RNF180: variants seen among roughly 807,000 people sequenced by gnomAD.
RNF180 encodes the protein E3 ubiquitin-protein ligase RNF180.
A neutral mutation model predicts 59.2 loss-of-function variants in RNF180; 38 were observed. The observed-to-expected ratio is 0.64, with a 90% CI of 0.50 to 0.84. The LOEUF (loss-of-function observed/expected upper bound fraction) is 0.84, where lower values mean the gene tolerates loss of function less well. Among genes scored for constraint, RNF180 ranks in the 40% least tolerant of loss-of-function variants. The pLI is 0.00. For missense variants in RNF180, 705 were observed against 700.9 expected (o/e 1.01, Z -0.07); for synonymous variants, 262 against 240.3 (o/e 1.09, Z -0.84).
At chr5:64,189,076 AG>A (rs950724014) in intron 1 of RNF180, among the ~76,000 whole-genome samples, 1 of 152,062 alleles carries the variant, frequency 6.6e-6, no homozygotes, top group African/African-American at 2.4e-5. Context: ...GGCCATCTGC[AG>A]GCCAAGAAGA....
At chr5:64,366,624 A>G (rs1254375415) in intron 7 of RNF180, among the ~76,000 whole-genome samples, 1 of 151,596 alleles carries the variant, frequency 6.6e-6, no homozygotes, top group Non-Finnish European at 1.5e-5. Flanking sequence ...TAGATAAAGC[A>G]GAAGAAAAAA....
chr5:64,289,764 C>A (rs1742475211), intron 5 of RNF180, among the ~76,000 whole-genome samples: 1 of 151,824 alleles, frequency 6.6e-6, no homozygotes, highest in African/African-American at 2.4e-5. Flanking sequence ...GATTGTGTTT[C>A]TTTGATTGTT....
rs1300236989 is a variant in RNF180 at position 64,359,932 on chromosome 5, G to A, written c.1580-9683G>A. ...TCTTGTTTTTCTCAGGTTTGTCAAAGATCAGATAGTTGTAGATATGTGGCC... is the reference window on the plus strand; with the variant it reads ...TCTTGTTTTTCTCAGGTTTGTCAAAAATCAGATAGTTGTAGATATGTGGCC... On this transcript the variant is annotated intron_variant, in intron 7 of 7. Transcript: ENST00000389100. Among the ~76,000 whole-genome samples the A allele has an allele frequency of 1.1e-4, 16 of 152,134 alleles. 2 individuals carry two copies. The highest frequency in any genetic ancestry group is 3.9e-4 in the African/African-American group (16 of 41,530).
intron 1 of RNF180, among the ~76,000 whole-genome samples, chr5:64,173,717 C>CTTTTT (rs113698456): frequency 2.1e-5 from 3 of 140,066 alleles, no homozygotes. Flanking sequence ...ATAGCATCAA[C>CTTTTT]TTTTTTTTTT....
rs762730501 is a variant in RNF180 at position 64,200,912 on chromosome 5, T to A, written c.105T>A (p.Phe35Leu). ...CRKCIASSGC[F>L]MEYLENQVIK... is the part of the protein sequence containing the mutation. ...AATGTATAGCAAGCTCTGGTTGTTTTATGGAGTATCTTGAGAATCAAGTGA... is the reference window on the plus strand; with the variant it reads ...AATGTATAGCAAGCTCTGGTTGTTTAATGGAGTATCTTGAGAATCAAGTGA... Residue 35 changes from phenylalanine (F) to leucine (L), a missense_variant, in exon 2 of 8, where the codon TTT (phenylalanine) becomes TTA (leucine). Coordinates refer to ENST00000389100, the MANE Select transcript of RNF180 (RefSeq NM_001113561.2). 17 of 1,613,794 alleles carry A rather than the reference T, an allele frequency of 1.1e-5. No individual in the cohort carries two copies. The highest frequency in any genetic ancestry group is 2.2e-5 in the East Asian group (1 of 44,854).
At chr5:64,185,907 A>G (rs1028459733) in intron 1 of RNF180, among the ~76,000 whole-genome samples, 1 of 152,226 alleles carries the variant, frequency 6.6e-6, no homozygotes, top group Non-Finnish European at 1.5e-5. Context: ...AAAGCTGTTT[A>G]GGAACAGAGC....
At chr5:64,256,176 T>A (rs1259828857) in intron 5 of RNF180, among the ~76,000 whole-genome samples, 3 of 152,306 alleles carry the variant, frequency 2.0e-5, no homozygotes, top group Non-Finnish European at 4.4e-5. Flanking sequence ...TGGTAGTTTC[T>A]TTTGCTGTGC....
intron 6 of RNF180, among the ~76,000 whole-genome samples, chr5:64,328,123 A>G (rs913309584): frequency 8.5e-5 from 13 of 152,166 alleles, no homozygotes; most frequent in African/African-American, 2.9e-4. Context: ...ATCTGCCATG[A>G]CACACCACAT....
chr5:64,342,733 T>C (rs1745402969), intron 7 of RNF180, among the ~76,000 whole-genome samples: 1 of 152,078 alleles, frequency 6.6e-6, no homozygotes, highest in African/African-American at 2.4e-5. Context: ...TTATAAACTG[T>C]TAAGCAAAAA....
intron 2 of RNF180, among the ~76,000 whole-genome samples, chr5:64,208,893 A>G (rs1395395662): frequency 1.3e-5 from 2 of 151,988 alleles, no homozygotes; most frequent in African/African-American, 4.8e-5. Context: ...TGAGGGGTAC[A>G]AAAGGAGAAT....
chr5:64,352,889 T>C (rs1269862180), intron 7 of RNF180, among the ~76,000 whole-genome samples: 2 of 151,922 alleles, frequency 1.3e-5, no homozygotes, highest in Non-Finnish European at 2.9e-5. Context: ...ATGTAACCCA[T>C]GGCAAATGAA....
At position 64,369,808 on chromosome 5, in the gene RNF180, G is replaced by T; in HGVS notation, c.1773G>T (p.Pro591=). 1 of 1,487,774 alleles carries T rather than the reference G, an allele frequency of 6.7e-7. No individual in the cohort carries two copies. The highest frequency in any genetic ancestry group is 9.0e-7 in the Non-Finnish European group (1 of 1,115,716). 92.2% of individuals were successfully genotyped at this position (1,487,774 alleles called of 1,614,324 possible). ...VFCFLCYFFF[P]F is the part of the protein sequence containing the mutation. ...GCTTTCTTTGCTATTTTTTCTTTCCGTTTTAGGAATTTCATACCTTACTAC... is the reference window on the plus strand; with the variant it reads ...GCTTTCTTTGCTATTTTTTCTTTCCTTTTTAGGAATTTCATACCTTACTAC... Residue 591 remains proline (P), a synonymous_variant, in exon 8 of 8, where the codon CCG becomes CCT. Transcript: ENST00000389100.
chr5:64,256,391 AG>A (rs1314721141), intron 5 of RNF180, among the ~76,000 whole-genome samples: 27 of 152,174 alleles, frequency 1.8e-4, no homozygotes, highest in African/African-American at 6.5e-4. Flanking sequence ...GGTGTAAGGA[AG>A]GGAATCCAGT....
At chr5:64,345,630 A>C (rs911938555) in intron 7 of RNF180, among the ~76,000 whole-genome samples, 2 of 152,186 alleles carry the variant, frequency 1.3e-5, no homozygotes, top group Non-Finnish European at 2.9e-5. Flanking sequence ...GAAAGCTAGG[A>C]TTTATCTTTA....
chr5:64,241,527 T>TTC (rs1742806570), intron 5 of RNF180, among the ~76,000 whole-genome samples: 2 of 152,204 alleles, frequency 1.3e-5, no homozygotes, highest in Non-Finnish European at 2.9e-5. Context: ...GAGCTGCATA[T>TTC]GATAACTTAT....
intron 5 of RNF180, among the ~76,000 whole-genome samples, chr5:64,236,065 G>T (rs1053320138): frequency 4.6e-5 from 7 of 152,226 alleles, no homozygotes; most frequent in Non-Finnish European, 1.0e-4. Flanking sequence ...TTGGAACTGG[G>T]TAATAGGCAG....
intron 2 of RNF180, among the ~76,000 whole-genome samples, chr5:64,211,478 G>A (rs1752306459): frequency 6.6e-6 from 1 of 152,080 alleles, no homozygotes; most frequent in Non-Finnish European, 1.5e-5. Flanking sequence ...TTTATGGGAG[G>A]TCAGAAAATC....
chr5:64,184,829 TGA>T (rs778981354), intron 1 of RNF180, among the ~76,000 whole-genome samples: 10 of 152,180 alleles, frequency 6.6e-5, no homozygotes, highest in Non-Finnish European at 1.3e-4. Context: ...AGGAAATGAA[TGA>T]GAGTTAATAT....
At chr5:64,239,752 A>T (rs1244203286) in intron 5 of RNF180, among the ~76,000 whole-genome samples, 1 of 152,164 alleles carries the variant, frequency 6.6e-6, no homozygotes, top group East Asian at 1.9e-4. Context: ...ATAAATAACG[A>T]TCATCTTAAA....
Sources: allele counts gnomAD v4.1 joint callset (sites outside exome capture counted in the v4.1 genomes callset), GRCh38; gene constraint gnomAD v4.1.1; transcripts MANE v1.5; gene names NCBI Gene and HGNC (gene_info 2026-07-23, HGNC 2026-07-21).